The following NUDCD3 variants were observed in gnomAD, a reference collection of about 807,000 sequenced individuals.
NUDCD3 encodes the protein nudC domain-containing protein 3.
NUDCD3 carries 13 observed loss-of-function variants against 39.7 expected under a neutral mutation model. The observed-to-expected ratio is 0.33, with a 90% CI of 0.21 to 0.52. The LOEUF is 0.52. NUDCD3 is among the 20% of genes least tolerant of loss of function. The pLI is 0.96. For synonymous variants in NUDCD3, 175 were observed against 172.4 expected (o/e 1.02, Z -0.12); for missense variants, 453 against 458.1 (o/e 0.99, Z 0.10).
chr7:44,480,941 C>CAAAAAAAAAAAAAAAAAAAAAA (rs1164765600), intron 2 of NUDCD3, among the ~76,000 whole-genome samples: 3 of 34,876 alleles, frequency 8.6e-5, no homozygotes, highest in African/African-American at 3.3e-4. Flanking sequence ...GACCCAGTAT[C>CAAAAAAAAAAAAAAAAAAAAAA]AAAAAAAAAA....
intron 5 of NUDCD3, among the ~76,000 whole-genome samples, chr7:44,388,210 G>A (rs1278640895): frequency 1.3e-5 from 2 of 152,156 alleles, no homozygotes; most frequent in Non-Finnish European, 2.9e-5. Context: ...ACCATAAATG[G>A]GCATCAATGC....
intron 2 of NUDCD3, among the ~76,000 whole-genome samples, chr7:44,459,292 G>C (rs1383949903): frequency 6.6e-6 from 1 of 151,444 alleles, no homozygotes; most frequent in Admixed American, 6.6e-5. Flanking sequence ...TTGACCTACA[G>C]GGCTCAAGCA....
At chr7:44,422,238 C>T (rs1799153862) in intron 3 of NUDCD3, among the ~76,000 whole-genome samples, 1 of 151,970 alleles carries the variant, frequency 6.6e-6, no homozygotes. Flanking sequence ...ACTAGACAAG[C>T]AAGAGCAAAC....
At chr7:44,475,112 CTT>C (rs369792184) in intron 2 of NUDCD3, among the ~76,000 whole-genome samples, 23 of 139,580 alleles carry the variant, frequency 1.6e-4, no homozygotes, top group Admixed American at 2.1e-4. Context: ...AAATTCATTT[CTT>C]TTTTTTTTTT....
chr7:44,420,367 C>T (rs755582219), intron 3 of NUDCD3, among the ~76,000 whole-genome samples: 11 of 152,110 alleles, frequency 7.2e-5, no homozygotes, highest in Non-Finnish European at 1.3e-4. Context: ...ACCAAACCTA[C>T]GATTGACTGA....
intron 3 of NUDCD3, among the ~76,000 whole-genome samples, chr7:44,407,387 GA>G (rs923424715): frequency 2.6e-5 from 4 of 151,706 alleles, no homozygotes; most frequent in African/African-American, 9.7e-5. Context: ...CCAACATGGA[GA>G]AACCCCGTCT....
intron 3 of NUDCD3, among the ~76,000 whole-genome samples, chr7:44,405,617 T>C (rs763987975): frequency 3.3e-5 from 5 of 152,354 alleles, no homozygotes; most frequent in South Asian, 4.1e-4. Flanking sequence ...ATTTGGTAGA[T>C]GGCTCATTAA....
Position 44,404,454 on chromosome 7 carries a change from C to T in NUDCD3, c.772G>A (p.Gly258Arg), listed in dbSNP as rs969997957. The T allele has an allele frequency of 4.0e-5, 64 of 1,614,018 alleles. No homozygotes were observed. Among genetic ancestry groups the T allele is most frequent in the Non-Finnish European group, 5.2e-5 (61 of 1,179,906 alleles). The change falls in exon 4 of 6, where the codon GGG becomes AGG. Residue 258 changes from glycine to arginine, a missense_variant. Gly to Arg is a moderately radical substitution (Grantham distance 125). Coordinates refer to ENST00000355451, the MANE Select transcript of NUDCD3 (RefSeq NM_015332.4). ...TESSLWSLEPGKCVLVNLSKV... is the reference protein window; with the variant it reads ...TESSLWSLEPRKCVLVNLSKV... Reference sequence around the variant, plus strand: ...CCCAAACTTACCAAAACGCACTTCCCGGGCTCGAGACTCCAGAGAGAACTC... The same window carrying T: ...CCCAAACTTACCAAAACGCACTTCCTGGGCTCGAGACTCCAGAGAGAACTC...
intron 2 of NUDCD3, among the ~76,000 whole-genome samples, chr7:44,436,958 CTCCT>C (rs1355427277): frequency 3.3e-5 from 5 of 151,986 alleles, no homozygotes; most frequent in Admixed American, 1.3e-4. Context: ...ATACTCAGAA[CTCCT>C]TCCTTCCTTA....
chr7:44,457,381 T>C (rs1434719820), intron 2 of NUDCD3, among the ~76,000 whole-genome samples: 1 of 152,148 alleles, frequency 6.6e-6, no homozygotes, highest in Non-Finnish European at 1.5e-5. Context: ...AAATTATCTG[T>C]TTGCAAATGA....
intron 2 of NUDCD3, among the ~76,000 whole-genome samples, chr7:44,481,023 C>G (rs1260408942): frequency 1.6e-5 from 2 of 128,668 alleles, no homozygotes; most frequent in Non-Finnish European, 3.2e-5. Flanking sequence ...TGAACATGTA[C>G]AAACTTCTTG....
intron 3 of NUDCD3, among the ~76,000 whole-genome samples, chr7:44,416,777 A>G (rs1298837116): frequency 6.6e-6 from 1 of 152,196 alleles, no homozygotes; most frequent in African/African-American, 2.4e-5. Flanking sequence ...ACTTATAACC[A>G]AACTTCACCT....
At chr7:44,469,942 C>A (rs1800218801) in intron 2 of NUDCD3, among the ~76,000 whole-genome samples, 1 of 151,930 alleles carries the variant, frequency 6.6e-6, no homozygotes, top group Non-Finnish European at 1.5e-5. Context: ...AAGAGAGACA[C>A]AACCACGAAT....
At chr7:44,437,122 T>C (rs753052933) in intron 2 of NUDCD3, among the ~76,000 whole-genome samples, 15 of 147,594 alleles carry the variant, frequency 1.0e-4, no homozygotes, top group African/African-American at 3.8e-4. Flanking sequence ...CAGGCTGGAG[T>C]GCAATGGTGC....
chr7:44,463,369 C>T (rs1018152526), intron 2 of NUDCD3, among the ~76,000 whole-genome samples: 1 of 152,190 alleles, frequency 6.6e-6, no homozygotes, highest in Non-Finnish European at 1.5e-5. Flanking sequence ...AGCCTGCCAT[C>T]CCTGAGAACT....
chr7:44,446,076 T>C lies in NUDCD3; in HGVS notation c.510-18373A>G, dbSNP rs555778917. On this transcript the variant is annotated intron_variant, in intron 2 of 5. Coordinates refer to ENST00000355451, the MANE Select transcript of NUDCD3 (RefSeq NM_015332.4). ...TACTGCACACTTACCTATGGGTCTA[T>C]GCCAGTCCAAACATTATCCCCAATT... Among the ~76,000 whole-genome samples, 15 of 152,386 alleles carry C rather than the reference T, an allele frequency of 9.8e-5. No homozygotes were observed. The South Asian group carries it at 2.1e-3, about 21-fold the overall frequency.
intron 3 of NUDCD3, among the ~76,000 whole-genome samples, chr7:44,423,408 A>T (rs1289218389): frequency 6.6e-6 from 1 of 152,218 alleles, no homozygotes; most frequent in African/African-American, 2.4e-5. Context: ...GTTTCAGCCC[A>T]AAAACTCCTT....
chr7:44,468,341 A>T (rs1308506069), intron 2 of NUDCD3: 17 of 1,169,342 alleles, frequency 1.5e-5, no homozygotes, highest in Non-Finnish European at 2.0e-5. Flanking sequence ...AAATAAATGT[A>T]AAAACTGCAA....
chr7:44,427,528 G>A, intron 3 of NUDCD3, 43 bp downstream of exon 3: 1 of 1,593,292 alleles, frequency 6.3e-7, no homozygotes, highest in African/African-American at 1.3e-5. Flanking sequence ...AGCTTTGACT[G>A]GCTTGGGTGA....
Sources: allele counts gnomAD v4.1 joint callset (sites outside exome capture counted in the v4.1 genomes callset), GRCh38; gene constraint gnomAD v4.1.1; transcripts MANE v1.5; gene names NCBI Gene and HGNC (gene_info 2026-07-23, HGNC 2026-07-21).